Variants in MAML3 observed in about 807,000 individuals in gnomAD.
MAML3 encodes mastermind like transcriptional coactivator 3.
Under a neutral mutation model 101.9 loss-of-function variants are expected in MAML3, and 27 were observed. That is an observed-to-expected ratio of 0.27 (90% confidence interval 0.20 to 0.37). The LOEUF is 0.37. Among genes scored for constraint, MAML3 ranks in the 10% least tolerant of loss-of-function variants. The pLI is 1.00. For missense variants in MAML3, 1,316 were observed against 1,444.9 expected, an observed-to-expected ratio of 0.91 and a Z score of 1.45; for synonymous variants, 501 against 555.9, an observed-to-expected ratio of 0.90 and a Z score of 1.39.
intron 4 of MAML3, among the ~76,000 whole-genome samples, chr4:139,724,385 G>A (rs795607): frequency 0.99 from 151,177 of 152,328 alleles, 75,022 homozygotes; most frequent in East Asian, 1. Flanking sequence ...ATTTCATTTT[G>A]AAAATGTTGG....
rs116713006 is a variant in MAML3 at position 139,763,206 on chromosome 4, C to T, written c.2080-32539G>A. On this transcript the variant is annotated intron_variant, in intron 2 of 4. Coordinates refer to ENST00000509479, the MANE Select transcript of MAML3 (RefSeq NM_018717.5). Reference sequence around the variant, plus strand: ...ACTTAACTCTACAGAGGAGATTCCTCCTGCCACAGGATTACACCTGGAAAG... The same window carrying T: ...ACTTAACTCTACAGAGGAGATTCCTTCTGCCACAGGATTACACCTGGAAAG... 5.5e-3 allele frequency among the ~76,000 whole-genome samples: 839 copies of T among 152,328 alleles called. 1 individual carries two copies. The highest frequency in any genetic ancestry group is 8.3e-3 in the Non-Finnish European group (564 of 68,026).
chr4:140,119,965 C>T lies in MAML3; in HGVS notation c.468+32895G>A, dbSNP rs1322483591. Among the ~76,000 whole-genome samples, 5 of 152,102 alleles carry T rather than the reference C, an allele frequency of 3.3e-5. 1 individual carries two copies. Among genetic ancestry groups the T allele is most frequent in the Non-Finnish European group, 7.4e-5 (5 of 68,012 alleles). ...TTAAAAGCTAACCAAAGGCCGGGCG[C>T]GGTGGCTCACGCCTGTAATCCCAGC... On this transcript the variant is annotated intron_variant, in intron 1 of 4. Transcript: ENST00000509479.
At chr4:139,953,167 C>G (rs536944747) in intron 1 of MAML3, among the ~76,000 whole-genome samples, 1 of 152,272 alleles carries the variant, frequency 6.6e-6, no homozygotes, top group East Asian at 1.9e-4. Context: ...ATGCTTGAGA[C>G]GTCTCTGGAA....
intron 1 of MAML3, among the ~76,000 whole-genome samples, chr4:139,988,020 C>CAAAAA (rs71593735): frequency 3.2e-5 from 1 of 31,448 alleles, no homozygotes; most frequent in African/African-American, 1.2e-4. Context: ...AACTCCGTCT[C>CAAAAA]AAAAAAAAAA....
At chr4:139,876,190 A>G (rs1265699434) in intron 2 of MAML3, among the ~76,000 whole-genome samples, 2 of 152,246 alleles carry the variant, frequency 1.3e-5, no homozygotes, top group South Asian at 2.1e-4. Context: ...TGTTAACATA[A>G]TCATATTTTA....
intron 2 of MAML3, among the ~76,000 whole-genome samples, chr4:139,773,561 G>C: frequency 6.6e-6 from 1 of 152,276 alleles, no homozygotes; most frequent in African/African-American, 2.4e-5. Flanking sequence ...TCCAACCCTA[G>C]GTAGTGCTAA....
chr4:140,150,004 A>C (rs1729130600), intron 1 of MAML3, among the ~76,000 whole-genome samples: 1 of 144,468 alleles, frequency 6.9e-6, no homozygotes, highest in Admixed American at 7.3e-5. Flanking sequence ...TAAGGCTTAC[A>C]TTACATTCAT....
At chr4:139,899,996 C>T (rs1216692007) in intron 1 of MAML3, among the ~76,000 whole-genome samples, 2 of 152,110 alleles carry the variant, frequency 1.3e-5, no homozygotes, top group Admixed American at 1.3e-4. Context: ...GGGGCCTCAC[C>T]CTCTTAGTGG....
chr4:139,877,908 A>G (rs764072261), intron 2 of MAML3, among the ~76,000 whole-genome samples: 1 of 152,204 alleles, frequency 6.6e-6, no homozygotes, highest in Admixed American at 6.5e-5. Context: ...TAATCTTATG[A>G]TCATAAATAT....
At chr4:139,912,017 T>C (rs1008431711) in intron 1 of MAML3, among the ~76,000 whole-genome samples, 7 of 152,258 alleles carry the variant, frequency 4.6e-5, no homozygotes, top group African/African-American at 1.7e-4. Context: ...TGCATGTGGG[T>C]ATACAAATAT....
chr4:139,948,115 A>AATAAATAAATAC (rs1733765524), intron 1 of MAML3, among the ~76,000 whole-genome samples: 1 of 150,550 alleles, frequency 6.6e-6, no homozygotes, highest in African/African-American at 2.4e-5. Context: ...TAAATAAATA[A>AATAAATAAATAC]ATAAATAAAT....
intron 2 of MAML3, among the ~76,000 whole-genome samples, chr4:139,748,656 T>C (rs1282546354): frequency 6.6e-6 from 1 of 152,176 alleles, no homozygotes; most frequent in East Asian, 1.9e-4. Flanking sequence ...CTGTGCTTTC[T>C]ATAGTCTATA....
In MAML3 at chr4:140,120,782, G is replaced by A. The variant is rs142354904; in HGVS notation, c.468+32078C>T. On this transcript the variant is annotated intron_variant, in intron 1 of 4. Transcript: ENST00000509479. ...GAAATTACAAACAGATAGGGAAAAGGTGTCCTTCACTGCTTGTTCCCAGGG... is the reference window on the plus strand; with the variant it reads ...GAAATTACAAACAGATAGGGAAAAGATGTCCTTCACTGCTTGTTCCCAGGG... Among the ~76,000 whole-genome samples the A allele has an allele frequency of 1.6e-3, 249 of 152,232 alleles. 1 individual carries two copies. Among genetic ancestry groups the A allele is most frequent in the Middle Eastern group, 3.4e-3 (1 of 294 alleles).
chr4:139,775,005 C>CA (rs1179298563), intron 2 of MAML3, among the ~76,000 whole-genome samples: 2 of 152,136 alleles, frequency 1.3e-5, no homozygotes, highest in Non-Finnish European at 2.9e-5. Flanking sequence ...AGAACACCAG[C>CA]AATCCCCAGA....
intron 2 of MAML3, among the ~76,000 whole-genome samples, chr4:139,793,375 T>C (rs910871705): frequency 6.6e-6 from 1 of 152,042 alleles, no homozygotes; most frequent in Non-Finnish European, 1.5e-5. Flanking sequence ...TGGGGAGAAA[T>C]CTCCATTGAC....
In MAML3 at chr4:139,735,113, T is replaced by C. The variant is rs563722185; in HGVS notation, c.2080-4446A>G. On this transcript the variant is annotated intron_variant, in intron 2 of 4. Transcript: ENST00000509479. This position sits in a 1 kb window ranked among gnomAD's most constrained non-coding sequence, Gnocchi z 5.8. ...CGCGTCTGGGCGAGCGCTGCGAACG[T>C]GGAGCCAGGCAGTCAAGTGTTACTG... is the stretch of plus-strand genomic sequence containing the variant. 6.6e-6 allele frequency among the ~76,000 whole-genome samples: 1 copy of C among 152,242 alleles called. No homozygotes were observed. The highest frequency in any genetic ancestry group is 1.5e-5 in the Non-Finnish European group (1 of 67,986).
intron 1 of MAML3, among the ~76,000 whole-genome samples, chr4:140,043,612 C>A (rs1328769160): frequency 6.6e-6 from 1 of 152,178 alleles, no homozygotes; most frequent in East Asian, 1.9e-4. Context: ...AAGTGGCCAA[C>A]AGCCACAATA....
chr4:140,152,034 A>C (rs370504454), intron 1 of MAML3, among the ~76,000 whole-genome samples: 1 of 152,294 alleles, frequency 6.6e-6, no homozygotes, highest in South Asian at 2.1e-4. Flanking sequence ...ATCCCAAGCG[A>C]AGTTGTGTGG....
chr4:140,121,503 G>A (rs1269354723), intron 1 of MAML3, among the ~76,000 whole-genome samples: 1 of 152,184 alleles, frequency 6.6e-6, no homozygotes. Context: ...GAGGTGTTAG[G>A]CTGTGTAGAC....
Sources: allele counts gnomAD v4.1 joint callset (sites outside exome capture counted in the v4.1 genomes callset), GRCh38; gene constraint gnomAD v4.1.1; non-coding constraint Gnocchi (gnomAD v3.1); transcripts MANE v1.5; gene names NCBI Gene and HGNC (gene_info 2026-07-23, HGNC 2026-07-21).